GIPR: variants seen among roughly 807,000 people sequenced by gnomAD.
The protein encoded by GIPR is GIP-R.
Under a neutral mutation model 62.2 loss-of-function variants are expected in GIPR, and 74 were observed. The ratio of observed to expected loss-of-function variants is 1.19; its 90% CI spans 0.99 to 1.44. The LOEUF (loss-of-function observed/expected upper bound fraction) is 1.44, where lower values mean the gene tolerates loss of function less well. GIPR is among the 40% of genes most tolerant of loss of function. The pLI, the probability that GIPR is intolerant of heterozygous loss-of-function variation, is 0.00. For missense variants in GIPR, 664 were observed against 611.8 expected (o/e 1.09, Z -0.90); for synonymous variants, 256 against 262.2 (o/e 0.98, Z 0.23).
chr19:45,676,983 C>A lies in GIPR; in HGVS notation c.668C>A (p.Thr223Asn). The change falls in exon 8 of 14, where the codon ACC (threonine) becomes AAC (asparagine). Residue 223 changes from threonine (T) to asparagine (N), a missense_variant. Physicochemically the swap from Thr to Asn is moderately conservative, Grantham distance 65. Transcript: ENST00000590918. ...GCCTGCCGCACGGCCCAGATCGTGACCCAGTACTGCGTGGGTGCCAACTAC... is the reference window on the plus strand; with the variant it reads ...GCCTGCCGCACGGCCCAGATCGTGAACCAGTACTGCGTGGGTGCCAACTAC... ...LAACRTAQIVTQYCVGANYTW... is the reference protein window; with the variant it reads ...LAACRTAQIVNQYCVGANYTW... 1 of 1,614,114 alleles carries A rather than the reference C, an allele frequency of 6.2e-7. No homozygotes were observed. Among genetic ancestry groups the A allele is most frequent in the Non-Finnish European group, 8.5e-7 (1 of 1,180,002 alleles).
chr19:45,674,963 T>G, intron 7 of GIPR, 137 bp downstream of exon 7: 1 of 835,490 alleles, frequency 1.2e-6, no homozygotes, highest in Non-Finnish European at 2.0e-6. Context: ...AAATGTGTCT[T>G]GGGGTGGGGG....
chr19:45,674,378 C>CTG, intron 6 of GIPR: 1 of 663,362 alleles, frequency 1.5e-6, no homozygotes, highest in Non-Finnish European at 2.7e-6. Context: ...GATGCCAAGG[C>CTG]AGGAGGATCG....
Position 45,672,851 on chromosome 19 carries a change from T to G in GIPR, c.281T>G (p.Val94Gly), listed in dbSNP as rs568378559. 3.1e-6 allele frequency: 5 copies of G among 1,596,946 alleles called. 1 individual carries two copies. In the East Asian group the frequency reaches 8.9e-5, roughly 29 times the overall value. ...CPWYLPWHHH[V>G]AAGFVLRQCG... ...AATTCCCTCTCTTCTTTCCCCACAGTGGCTGCAGGTTTCGTCCTCCGCCAG... is the reference window on the plus strand; with the variant it reads ...AATTCCCTCTCTTCTTTCCCCACAGGGGCTGCAGGTTTCGTCCTCCGCCAG... Residue 94 changes from valine (V) to glycine (G), a missense_variant and splice_region_variant, in exon 5 of 14, where the codon GTG becomes GGG. Val to Gly is a moderately radical substitution (Grantham distance 109). Transcript: ENST00000590918.
At chr19:45,681,089 T>G (rs1391060732) in intron 12 of GIPR, among the ~76,000 whole-genome samples, 1 of 151,774 alleles carries the variant, frequency 6.6e-6, no homozygotes, top group Admixed American at 6.6e-5. Context: ...AGCAGTGGGG[T>G]TGGTGTGGGG....
Position 45,681,896 on chromosome 19 carries a change from T to TGCAG in GIPR, c.1363_1364insCAGG (p.Gly455AlafsTer4). On this transcript the variant is annotated frameshift_variant, in exon 14 of 14. Transcript: ENST00000590918. LOFTEE classifies it high-confidence loss of function. ...TGTCCTCGGGGACCCTCCCAGGGCCTGGGAATGAGGCCAGCCGGGAGTTGG... is the reference window on the plus strand; with the variant it reads ...TGTCCTCGGGGACCCTCCCAGGGCCTGCAGGGGAATGAGGCCAGCCGGGAGTTGG... The TGCAG allele has an allele frequency of 6.4e-7, 1 of 1,559,814 alleles. No individual in the cohort carries two copies. The highest frequency in any genetic ancestry group is 1.3e-5 in the African/African-American group (1 of 74,124).
intron 1 of GIPR, among the ~76,000 whole-genome samples, chr19:45,668,599 C>T (rs1468664978): frequency 6.6e-6 from 1 of 152,168 alleles, no homozygotes; most frequent in African/African-American, 2.4e-5. Context: ...GGCTGGGGGT[C>T]TCATTCTGTC....
At chr19:45,677,549 A>G (rs1468974145) in intron 9 of GIPR, 161 bp from the exon 10 acceptor site, 1 of 837,112 alleles carries the variant, frequency 1.2e-6, no homozygotes, top group East Asian at 2.4e-5. Context: ...GTTCCAGGGC[A>G]ATCGGCAAGG....
intron 4 of GIPR, among the ~76,000 whole-genome samples, chr19:45,671,798 T>A (rs1345846999): frequency 6.7e-6 from 1 of 149,384 alleles, no homozygotes; most frequent in Admixed American, 6.6e-5. Flanking sequence ...ATATATATAT[T>A]TTTAGTACAG....
chr19:45,675,875 T>C, intron 7 of GIPR, among the ~76,000 whole-genome samples: 1 of 150,780 alleles, frequency 6.6e-6, no homozygotes, highest in Non-Finnish European at 1.5e-5. Flanking sequence ...TGGCGAAAGA[T>C]TGAGACCCTG....
intron 12 of GIPR, among the ~76,000 whole-genome samples, chr19:45,678,865 G>T (rs1158223007): frequency 6.6e-6 from 1 of 152,200 alleles, no homozygotes; most frequent in Non-Finnish European, 1.5e-5. Flanking sequence ...TCACCTCAGG[G>T]TTGAGGGTAG....
Position 45,678,148 on chromosome 19 carries a change from T to C in GIPR, c.1074T>C (p.Ala358=). The C allele has an allele frequency of 6.2e-7, 1 of 1,610,922 alleles. No individual in the cohort carries two copies. The highest frequency in any genetic ancestry group is 8.5e-7 in the Non-Finnish European group (1 of 1,179,150). ...TGGGTGTCCACGAGGTGGTGTTTGC[T>C]CCCGTGACAGAGGAACAGGCCCGGG... The part of the protein sequence containing the change: ...PLLGVHEVVF[A]PVTEEQARGA... The change falls in exon 12 of 14, where the codon GCT becomes GCC. Residue 358 remains alanine, a synonymous_variant. Coordinates refer to ENST00000590918, the MANE Select transcript of GIPR (RefSeq NM_000164.4).
At chr19:45,677,676 TTTC>T in intron 9 of GIPR, 31 bp from the exon 10 acceptor site, 1 of 1,567,058 alleles carries the variant, frequency 6.4e-7, no homozygotes, top group Non-Finnish European at 8.8e-7. Flanking sequence ...GTCTAGAGTT[TTTC>T]TATCTCTTAG....
chr19:45,675,359 G>T (rs1415121994), intron 7 of GIPR: 2 of 156,566 alleles, frequency 1.3e-5, no homozygotes, highest in Admixed American at 1.2e-4. Context: ...GGCAGATCAC[G>T]AGGCCAGGAG....
Position 45,674,739 on chromosome 19 carries a change from G to T in GIPR, c.546G>T (p.Leu182=), listed in dbSNP as rs756900115. The T allele has an allele frequency of 3.1e-6, 5 of 1,613,836 alleles. No individual in the cohort carries two copies. Among genetic ancestry groups the T allele is most frequent in the Non-Finnish European group, 4.2e-6 (5 of 1,179,964 alleles). ...TCAACCTGTTCACGTCTTTCATGCT[G>T]CGAGCTGCGGCCATTCTCAGCCGAG... The part of the protein sequence containing the change: ...IHINLFTSFM[L]RAAAILSRDR... The change falls in exon 7 of 14, where the codon CTG becomes CTT. Residue 182 remains leucine (L), a synonymous_variant. Transcript: ENST00000590918.
At chr19:45,678,355 T>C in intron 12 of GIPR, 129 bp downstream of exon 12, 1 of 1,067,780 alleles carries the variant, frequency 9.4e-7, no homozygotes, top group Non-Finnish European at 1.4e-6. Flanking sequence ...AGTTCGTTCA[T>C]TAATTAATTC....
chr19:45,674,853 A>G, intron 7 of GIPR, 27 bp downstream of exon 7: 1 of 1,610,060 alleles, frequency 6.2e-7, no homozygotes, highest in East Asian at 2.2e-5. Flanking sequence ...CGTTCCTCCA[A>G]ATGGGAATCT....
rs767231744 is a variant in GIPR, at chr19:45,676,903, C to T, written c.634-46C>T. 2.5e-6 allele frequency: 4 copies of T among 1,588,082 alleles called. No individual in the cohort carries two copies. The East Asian group carries it at 8.9e-5, about 35-fold the overall frequency. On this transcript the variant is annotated intron_variant, in intron 7 of 13. Coordinates refer to ENST00000590918, the MANE Select transcript of GIPR (RefSeq NM_000164.4). ...CAAAGCTGGGGGAGACTGGGAGACA[C>T]CCGGGCAGCGCTGACTACCCCTCTA... is the stretch of plus-strand genomic sequence containing the variant.
At position 45,681,643 on chromosome 19, in the gene GIPR, G is replaced by A; in HGVS notation, c.1192G>A (p.Glu398Lys). Residue 398 changes from glutamate (E) to lysine (K), a missense_variant and splice_region_variant, in exon 13 of 14, where the codon GAG becomes AAG. Glu to Lys is a moderately conservative substitution (Grantham distance 56, BLOSUM62 1). Coordinates refer to ENST00000590918, the MANE Select transcript of GIPR (RefSeq NM_000164.4). ...VSVLYCFINK[E>K]VQSEIRRGWH... The stretch of plus-strand genomic sequence containing the variant: ...CGTCCTCTACTGCTTCATCAACAAG[G>A]AGGTAGGCAGAGACCCGGCCGCCGC... 2 of 1,613,740 alleles carry A rather than the reference G, an allele frequency of 1.2e-6. No individual in the cohort carries two copies. The highest frequency in any genetic ancestry group is 1.7e-5 in the Admixed American group (1 of 60,006).
chr19:45,676,460 G>C (rs1966924838), intron 7 of GIPR, among the ~76,000 whole-genome samples: 1 of 115,568 alleles, frequency 8.7e-6, no homozygotes, highest in Non-Finnish European at 1.7e-5. Context: ...TTGAGACGGA[G>C]TCTCCCTCTG....
Sources: allele counts gnomAD v4.1 joint callset (sites outside exome capture counted in the v4.1 genomes callset), GRCh38; gene constraint gnomAD v4.1.1; transcripts MANE v1.5; gene names NCBI Gene and HGNC (gene_info 2026-07-23, HGNC 2026-07-21).